The following TP53INP2 variants were observed in gnomAD, a reference collection of about 807,000 sequenced individuals.
TP53INP2 encodes tumor protein p53 inducible nuclear protein 2, also known as tumor protein p53-inducible nuclear protein 2.
In TP53INP2, 12 loss-of-function variants were observed where a neutral mutation model predicts 17.1. The observed-to-expected ratio is 0.70, with a 90% confidence interval of 0.45 to 1.14. TP53INP2 has a LOEUF of 1.14. TP53INP2 is among the 50% of genes most tolerant of loss of function. TP53INP2 has a pLI of 0.00. For synonymous variants in TP53INP2, 145 were observed against 147.3 expected (o/e 0.98, Z 0.12); for missense variants, 342 against 330.9 (o/e 1.03, Z -0.26).
In TP53INP2 at chr20:34,711,682, G is replaced by C. The variant is rs1600697146; in HGVS notation, c.*1375G>C. 6.6e-6 allele frequency: 1 copy of C among 152,580 alleles called. No individual in the cohort carries two copies. Among genetic ancestry groups the C allele is most frequent in the East Asian group, 1.9e-4 (1 of 5,188 alleles). The allele number at this position is 152,580 out of a possible 1,614,324, so 9.5% of individuals were successfully genotyped here. On this transcript the variant is annotated 3_prime_UTR_variant, in exon 5 of 5. Coordinates refer to ENST00000374810, the MANE Select transcript of TP53INP2 (RefSeq NM_021202.3). This position sits in a 1 kb window ranked among gnomAD's most constrained non-coding sequence, Gnocchi z 4.1. ...CTGGAAGAGGGAACCTGAATCCCTGGGGGAGACAGAAGGGGCAGGGGCCAC... is the reference window on the plus strand; with the variant it reads ...CTGGAAGAGGGAACCTGAATCCCTGCGGGAGACAGAAGGGGCAGGGGCCAC...
rs955004544 is a variant in TP53INP2 at position 34,711,296 on chromosome 20, A to G, written c.*989A>G. 1 of 152,934 alleles carries G rather than the reference A, an allele frequency of 6.5e-6. No homozygotes were observed. Among genetic ancestry groups the G allele is most frequent in the African/African-American group, 2.4e-5 (1 of 41,446 alleles). 9.5% of individuals were successfully genotyped at this position (152,934 alleles called of 1,614,324 possible). A position where few individuals can be genotyped will look rare whatever the true frequency, so the allele number is the denominator to read the frequency against. ...TTCACAAGCCCAAGGTGCTAGAACT[A>G]GCTTAGGAGACATGCAGGCCACAGG... is the stretch of plus-strand genomic sequence containing the variant. On this transcript the variant is annotated 3_prime_UTR_variant, in exon 5 of 5. Transcript: ENST00000374810. The surrounding 1 kb of genome is among the most constrained non-coding windows in gnomAD (Gnocchi z 4.1).
In TP53INP2 at chr20:34,709,421, C is replaced by T. The variant is rs1437935917; in HGVS notation, c.310C>T (p.Pro104Ser). 6.2e-7 allele frequency: 1 copy of T among 1,613,938 alleles called. No individual in the cohort carries two copies. Among genetic ancestry groups the T allele is most frequent in the South Asian group, 1.1e-5 (1 of 91,082 alleles). ...SPLEDLLIEH[P>S]SMSVYVTGST... Reference sequence around the variant, plus strand: ...CCTGGAGGACCTCCTCATCGAGCACCCCAGCATGTCCGTTTACGTCACCGG... The same window carrying T: ...CCTGGAGGACCTCCTCATCGAGCACTCCAGCATGTCCGTTTACGTCACCGG... The change falls in exon 4 of 5, where the codon CCC (proline) becomes TCC (serine). Residue 104 changes from proline (P) to serine (S), a missense_variant. Coordinates refer to ENST00000374810, the MANE Select transcript of TP53INP2 (RefSeq NM_021202.3). This position sits in a 1 kb window ranked among gnomAD's most constrained non-coding sequence, Gnocchi z 5.4.
chr20:34,709,756 A>AGAGGCT lies in TP53INP2; in HGVS notation c.413+234_413+239dup, dbSNP rs1988120545. On this transcript the variant is annotated intron_variant, in intron 4 of 4. Transcript: ENST00000374810. The surrounding 1 kb of genome is among the most constrained non-coding windows in gnomAD (Gnocchi z 5.4). ...GGCTTGAGAGGGAGGGGCGTGGCCAAGAGGCTGGGGCCGGGGTTGGAGGCT... is the reference window on the plus strand; with the variant it reads ...GGCTTGAGAGGGAGGGGCGTGGCCAAGAGGCTGAGGCTGGGGCCGGGGTTGGAGGCT... Among the ~76,000 whole-genome samples the AGAGGCT allele has an allele frequency of 6.6e-6, 1 of 151,474 alleles. No individual in the cohort carries two copies. The highest frequency in any genetic ancestry group is 1.5e-5 in the Non-Finnish European group (1 of 67,952).
rs1988081772 is a variant in TP53INP2, at chr20:34,709,189, C to T, written c.125-47C>T. On this transcript the variant is annotated intron_variant, in intron 3 of 4. Coordinates refer to ENST00000374810, the MANE Select transcript of TP53INP2 (RefSeq NM_021202.3). This position sits in a 1 kb window ranked among gnomAD's most constrained non-coding sequence, Gnocchi z 5.4. ...TGTGTGTGTGTGTGTGTGTGTGCCT[C>T]CTCGCTGCTCCCCTCCTCTGCACGG... 2.0e-6 allele frequency: 3 copies of T among 1,499,374 alleles called. No homozygotes were observed. Among genetic ancestry groups the T allele is most frequent in the Non-Finnish European group, 2.7e-6 (3 of 1,124,052 alleles). 92.9% of individuals were successfully genotyped at this position (1,499,374 alleles called of 1,614,324 possible). A position where few individuals can be genotyped will look rare whatever the true frequency, so the allele number is the denominator to read the frequency against.
In TP53INP2 at chr20:34,710,289, G is replaced by A; in HGVS notation, c.645G>A (p.Gln215=). The A allele has an allele frequency of 2.1e-6, 3 of 1,408,788 alleles. No individual in the cohort carries two copies. Among genetic ancestry groups the A allele is most frequent in the Non-Finnish European group, 2.8e-6 (3 of 1,069,354 alleles). The allele number at this position is 1,408,788 out of a possible 1,614,324, so 87.3% of individuals were successfully genotyped here. A position where few individuals can be genotyped will look rare whatever the true frequency, so the allele number is the denominator to read the frequency against. The part of the protein sequence containing the change: ...NQSSFIYQPC[Q]RQFNY ...GCAGCTTCATCTACCAGCCGTGCCA[G>A]CGCCAGTTCAACTACTGAGCGTCCA... Residue 215 remains glutamine (Q), a synonymous_variant, in exon 5 of 5, where the codon CAG becomes CAA. Coordinates refer to ENST00000374810, the MANE Select transcript of TP53INP2 (RefSeq NM_021202.3). The surrounding 1 kb of genome is among the most constrained non-coding windows in gnomAD (Gnocchi z 4.9).
rs765750486 is a variant in TP53INP2, at chr20:34,710,009, C to CCG, written c.414-48_414-47insGC. 4.6e-5 allele frequency: 59 copies of CCG among 1,268,932 alleles called. No individual in the cohort carries two copies. Among genetic ancestry groups the CCG allele is most frequent in the South Asian group, 7.8e-5 (3 of 38,536 alleles). The allele number at this position is 1,268,932 out of a possible 1,614,324, so 78.6% of individuals were successfully genotyped here. A position where few individuals can be genotyped will look rare whatever the true frequency, so the allele number is the denominator to read the frequency against. On this transcript the variant is annotated intron_variant, in intron 4 of 4. Coordinates refer to ENST00000374810, the MANE Select transcript of TP53INP2 (RefSeq NM_021202.3). The surrounding 1 kb of genome is among the most constrained non-coding windows in gnomAD (Gnocchi z 4.9). The stretch of plus-strand genomic sequence containing the variant: ...TGGGAGATGGCAGCGCCCTCTAGAC[C>CCG]CCCCGCCCAGCTTACCCGGCTTGAC...
At chr20:34,706,574 T>C (rs376528061) in intron 2 of TP53INP2, among the ~76,000 whole-genome samples, 26 of 152,310 alleles carry the variant, frequency 1.7e-4, no homozygotes, top group Admixed American at 9.8e-4. Context: ...TGGACACTAG[T>C]TGGGGGTGGC....
chr20:34,708,692 T>C lies in TP53INP2; in HGVS notation c.-48T>C. 1 of 1,539,006 alleles carries C rather than the reference T, an allele frequency of 6.5e-7. No homozygotes were observed. Among genetic ancestry groups the C allele is most frequent in the Non-Finnish European group, 8.7e-7 (1 of 1,144,514 alleles). The stretch of plus-strand genomic sequence containing the variant: ...CTCTCACGTCCTTCTGATTCCCAGG[T>C]TTTTGCACTGCCATAGGGCGCCCCC... On this transcript the variant is annotated splice_region_variant and 5_prime_UTR_variant, in exon 3 of 5. Coordinates refer to ENST00000374810, the MANE Select transcript of TP53INP2 (RefSeq NM_021202.3).
In TP53INP2 at chr20:34,709,457, G is replaced by T. The variant is rs1453867626; in HGVS notation, c.346G>T (p.Val116Leu). Residue 116 changes from valine (V) to leucine (L), a missense_variant, in exon 4 of 5, where the codon GTG (valine) becomes TTG (leucine). Physicochemically the swap from Val to Leu is conservative, Grantham distance 32. Coordinates refer to ENST00000374810, the MANE Select transcript of TP53INP2 (RefSeq NM_021202.3). This position sits in a 1 kb window ranked among gnomAD's most constrained non-coding sequence, Gnocchi z 5.4. ...MSVYVTGSTI[V>L]LEPGSPSPLP... ...CGTTTACGTCACCGGCAGCACCATAGTGCTAGAGCCCGGGTCCCCTTCCCC... is the reference window on the plus strand; with the variant it reads ...CGTTTACGTCACCGGCAGCACCATATTGCTAGAGCCCGGGTCCCCTTCCCC... 1 of 1,613,562 alleles carries T rather than the reference G, an allele frequency of 6.2e-7. No individual in the cohort carries two copies. The highest frequency in any genetic ancestry group is 8.5e-7 in the Non-Finnish European group (1 of 1,179,880).
rs978912816 is a variant in TP53INP2, at chr20:34,712,398, G to C, written c.*2091G>C. On this transcript the variant is annotated 3_prime_UTR_variant, in exon 5 of 5. Coordinates refer to ENST00000374810, the MANE Select transcript of TP53INP2 (RefSeq NM_021202.3). ...AGGGCATTTGGCTCAAATTTTAAAA[G>C]GCCTTTTGTTTACCTATATTTCTGG... 6.6e-6 allele frequency: 1 copy of C among 152,534 alleles called. No individual in the cohort carries two copies. Among genetic ancestry groups the C allele is most frequent in the Admixed American group, 6.5e-5 (1 of 15,270 alleles). The allele number at this position is 152,534 out of a possible 1,614,324, so 9.4% of individuals were successfully genotyped here.
At position 34,709,494 on chromosome 20, in the gene TP53INP2, C is replaced by A. The variant is rs1261177753; in HGVS notation, c.383C>A (p.Ala128Glu). The A allele has an allele frequency of 6.2e-7, 1 of 1,611,076 alleles. No homozygotes were observed. Among genetic ancestry groups the A allele is most frequent in the East Asian group, 2.2e-5 (1 of 44,854 alleles). ...EPGSPSPLPDAALPDGDLSEG... is the reference protein window; with the variant it reads ...EPGSPSPLPDEALPDGDLSEG... ...GGGTCCCCTTCCCCGCTCCCGGACGCGGCCCTGCCTGACGGCGACCTCAGC... is the reference window on the plus strand; with the variant it reads ...GGGTCCCCTTCCCCGCTCCCGGACGAGGCCCTGCCTGACGGCGACCTCAGC... Residue 128 changes from alanine to glutamate, a missense_variant, in exon 4 of 5, where the codon GCG (alanine) becomes GAG (glutamate). Transcript: ENST00000374810. This position sits in a 1 kb window ranked among gnomAD's most constrained non-coding sequence, Gnocchi z 5.4.
chr20:34,710,124 G>A lies in TP53INP2; in HGVS notation c.480G>A (p.Ala160=), dbSNP rs1218789492. The change falls in exon 5 of 5, where the codon GCG becomes GCA. Residue 160 remains alanine (A), a synonymous_variant. Transcript: ENST00000374810. This position sits in a 1 kb window ranked among gnomAD's most constrained non-coding sequence, Gnocchi z 4.9. The stretch of plus-strand genomic sequence containing the variant: ...ACGCCGCTCCTCTCCCAGCGCGGGC[G>A]GCGCTGCTGGAGAAGGCGGGCCAGG... The part of the protein sequence containing the change: ...ARHAAPLPAR[A]ALLEKAGQVR... 7.9e-7 allele frequency: 1 copy of A among 1,263,800 alleles called. No homozygotes were observed. Among genetic ancestry groups the A allele is most frequent in the African/African-American group, 1.6e-5 (1 of 64,512 alleles). 78.3% of individuals were successfully genotyped at this position (1,263,800 alleles called of 1,614,324 possible). A position where few individuals can be genotyped will look rare whatever the true frequency, so the allele number is the denominator to read the frequency against.
chr20:34,705,916 CA>C (rs1987997148), intron 2 of TP53INP2, among the ~76,000 whole-genome samples: 1 of 152,142 alleles, frequency 6.6e-6, no homozygotes, highest in Non-Finnish European at 1.5e-5. Context: ...GGAGGCTCCC[CA>C]AGTGGTCAGG....
Position 34,709,351 on chromosome 20 carries a change from G to C in TP53INP2, c.240G>C (p.Thr80=). 6.2e-7 allele frequency: 1 copy of C among 1,613,600 alleles called. No individual in the cohort carries two copies. Among genetic ancestry groups the C allele is most frequent in the Admixed American group, 1.7e-5 (1 of 60,022 alleles). Residue 80 remains threonine (T), a synonymous_variant, in exon 4 of 5, where the codon ACG becomes ACC. Transcript: ENST00000374810. The surrounding 1 kb of genome is among the most constrained non-coding windows in gnomAD (Gnocchi z 5.4). ...TTGTTACCCCTCCCGCCTGTTTTAC[G>C]GCAGAGGGGCCTGGACTCGGTCCCG... is the stretch of plus-strand genomic sequence containing the variant. ...SWFVTPPACF[T]AEGPGLGPAR...
In TP53INP2 at chr20:34,710,328, G is replaced by GA; in HGVS notation, c.*23dup. The GA allele has an allele frequency of 7.5e-7, 1 of 1,341,150 alleles. No homozygotes were observed. The highest frequency in any genetic ancestry group is 9.7e-7 in the Non-Finnish European group (1 of 1,035,054). 83.1% of individuals were successfully genotyped at this position (1,341,150 alleles called of 1,614,324 possible). A position where few individuals can be genotyped will look rare whatever the true frequency, so the allele number is the denominator to read the frequency against. Reference sequence around the variant, plus strand: ...ACTGAGCGTCCACCGGCCGCGCCACGAACCCCTTGCCGATCCCGATCCCTG... The same window carrying GA: ...ACTGAGCGTCCACCGGCCGCGCCACGAAACCCCTTGCCGATCCCGATCCCTG... On this transcript the variant is annotated 3_prime_UTR_variant, in exon 5 of 5. Coordinates refer to ENST00000374810, the MANE Select transcript of TP53INP2 (RefSeq NM_021202.3). The surrounding 1 kb of genome is among the most constrained non-coding windows in gnomAD (Gnocchi z 4.9).
chr20:34,709,912 C>T lies in TP53INP2; in HGVS notation c.414-146C>T. On this transcript the variant is annotated intron_variant, in intron 4 of 4. Coordinates refer to ENST00000374810, the MANE Select transcript of TP53INP2 (RefSeq NM_021202.3). The surrounding 1 kb of genome is among the most constrained non-coding windows in gnomAD (Gnocchi z 5.4). ...AGGGCTAGAACCGAGGAGGCACCTC[C>T]GGGTTGGTACCCACAAGAAGGGCGT... is the stretch of plus-strand genomic sequence containing the variant. The T allele has an allele frequency of 9.4e-7, 1 of 1,065,740 alleles. No homozygotes were observed. Among genetic ancestry groups the T allele is most frequent in the Non-Finnish European group, 1.2e-6 (1 of 801,870 alleles). The allele number at this position is 1,065,740 out of a possible 1,614,324, so 66.0% of individuals were successfully genotyped here. A position where few individuals can be genotyped will look rare whatever the true frequency, so the allele number is the denominator to read the frequency against.
At chr20:34,708,627 TC>T in intron 2 of TP53INP2, 63 bp from the exon 3 acceptor site, 1 of 984,112 alleles carries the variant, frequency 1.0e-6, no homozygotes, top group Non-Finnish European at 1.5e-6. Context: ...TCTGGCCTCT[TC>T]CCCAGGCCAG....
Position 34,708,861 on chromosome 20 carries a change from C to G in TP53INP2, c.122C>G (p.Pro41Arg), listed in dbSNP as rs748391314. 1 of 1,613,492 alleles carries G rather than the reference C, an allele frequency of 6.2e-7. No homozygotes were observed. The highest frequency in any genetic ancestry group is 8.5e-7 in the Non-Finnish European group (1 of 1,179,686). The change falls in exon 3 of 5, where the codon CCG (proline) becomes CGG (arginine). Residue 41 changes from proline to arginine, a missense_variant and splice_region_variant. Coordinates refer to ENST00000374810, the MANE Select transcript of TP53INP2 (RefSeq NM_021202.3). ...GACGGCTGGCTCATCATTGACCTGC[C>G]GGGTGAGGCCTGGGTCTGTCTCCTG... ...EVDGWLIIDL[P>R]DSYAAPPSPG... is the part of the protein sequence containing the mutation.
chr20:34,710,159 T>C lies in TP53INP2; in HGVS notation c.515T>C (p.Leu172Pro), dbSNP rs1988143367. 2.3e-6 allele frequency: 3 copies of C among 1,288,658 alleles called. No homozygotes were observed. Among genetic ancestry groups the C allele is most frequent in the Admixed American group, 3.8e-5 (1 of 26,566 alleles). The allele number at this position is 1,288,658 out of a possible 1,614,324, so 79.8% of individuals were successfully genotyped here. ...GAGAAGGCGGGCCAGGTGCGGCGGC[T>C]GCAGCGGGCCCGGCAGCGGGCAGAG... ...LLEKAGQVRR[L>P]QRARQRAERH... Residue 172 changes from leucine to proline, a missense_variant, in exon 5 of 5, where the codon CTG (leucine) becomes CCG (proline). Leu to Pro is a moderately conservative substitution (Grantham distance 98). Coordinates refer to ENST00000374810, the MANE Select transcript of TP53INP2 (RefSeq NM_021202.3). The surrounding 1 kb of genome is among the most constrained non-coding windows in gnomAD (Gnocchi z 4.9).
Sources: allele counts gnomAD v4.1 joint callset (sites outside exome capture counted in the v4.1 genomes callset), GRCh38; gene constraint gnomAD v4.1.1; non-coding constraint Gnocchi (gnomAD v3.1); transcripts MANE v1.5; gene names NCBI Gene and HGNC (gene_info 2026-07-23, HGNC 2026-07-21).